Variants in ZC2HC1A observed in about 807,000 individuals in gnomAD.
ZC2HC1A encodes the protein zinc finger C2HC-type containing 1A.
A neutral mutation model predicts 40.7 loss-of-function variants in ZC2HC1A; 28 were observed. That is an observed-to-expected ratio of 0.69 (90% CI 0.51 to 0.94). ZC2HC1A has a LOEUF of 0.94. ZC2HC1A is among the 40% of genes least tolerant of loss of function. ZC2HC1A has a pLI of 0.00. For missense variants in ZC2HC1A, 389 were observed against 386.3 expected, an observed-to-expected ratio of 1.01 and a Z score of -0.06; for synonymous variants, 129 against 129.2, an observed-to-expected ratio of 1.00 and a Z score of 0.01.
chr8:78,707,855 CTT>C (rs34584205), intron 7 of ZC2HC1A, among the ~76,000 whole-genome samples: 179 of 143,290 alleles, frequency 1.2e-3, no homozygotes, highest in South Asian at 1.6e-3. Flanking sequence ...CTTTTTTTTT[CTT>C]TTTTTTTTTT....
In ZC2HC1A at chr8:78,675,977, G is replaced by A. The variant is rs113182613; in HGVS notation, c.93+114G>A. The A allele has an allele frequency of 4.0e-3, 3,170 of 797,702 alleles. 65 individuals carry two copies. The African/African-American group carries it at 0.05, about 13-fold the overall frequency. The allele number at this position is 797,702 out of a possible 1,614,324, so 49.4% of individuals were successfully genotyped here. A position where few individuals can be genotyped will look rare whatever the true frequency, so the allele number is the denominator to read the frequency against. ...GGAATAGTTTTTGAAGAGTTAATGG[G>A]TACTATTCTTTGTTCAAGGGTCTTG... On this transcript the variant is annotated intron_variant, in intron 2 of 8. Coordinates refer to ENST00000263849, the MANE Select transcript of ZC2HC1A (RefSeq NM_016010.3).
chr8:78,691,979 A>G (rs1054855478), intron 5 of ZC2HC1A, among the ~76,000 whole-genome samples: 3 of 152,190 alleles, frequency 2.0e-5, no homozygotes, highest in African/African-American at 7.2e-5. Context: ...ACAATGTGCA[A>G]TGACTAAATC....
chr8:78,697,443 G>C lies in ZC2HC1A; in HGVS notation c.541G>C (p.Gly181Arg). ...PPALKKSNSP[G>R]TASSGSSRLP... ...CGCACTTAAAAAGTCAAATTCTCCT[G>C]GAACTGCATCATCAGGATCTTCACG... The change falls in exon 6 of 9, where the codon GGA becomes CGA. Residue 181 changes from glycine (G) to arginine (R), a missense_variant. Physicochemically the swap from Gly to Arg is moderately radical, Grantham distance 125. Transcript: ENST00000263849. 6.8e-6 allele frequency: 11 copies of C among 1,608,426 alleles called. No homozygotes were observed. The highest frequency in any genetic ancestry group is 2.2e-5 in the East Asian group (1 of 44,682).
At chr8:78,670,070 C>T (rs1438140392) in intron 1 of ZC2HC1A, among the ~76,000 whole-genome samples, 2 of 150,276 alleles carry the variant, frequency 1.3e-5, no homozygotes, top group Admixed American at 6.7e-5. Flanking sequence ...TGGGTTCAAG[C>T]GATTCTCCTC....
intron 7 of ZC2HC1A, chr8:78,712,127 T>G: frequency 8.0e-7 from 1 of 1,247,914 alleles, no homozygotes. Flanking sequence ...GTAACTCAGT[T>G]TGGTTAATAT....
chr8:78,715,121 T>G (rs1326837343), intron 7 of ZC2HC1A, 100 bp from the exon 8 acceptor site: 2 of 1,024,696 alleles, frequency 2.0e-6, no homozygotes, highest in East Asian at 5.2e-5. Context: ...TGAACTTCTC[T>G]GAAGCTTCTA....
intron 1 of ZC2HC1A, among the ~76,000 whole-genome samples, chr8:78,666,681 T>C (rs1340750425): frequency 1.3e-5 from 2 of 152,192 alleles, no homozygotes; most frequent in African/African-American, 2.4e-5. Context: ...CGGAGGGATG[T>C]CAGAGCATCT....
At chr8:78,716,484 A>T (rs1283748579) in intron 8 of ZC2HC1A, among the ~76,000 whole-genome samples, 1 of 152,130 alleles carries the variant, frequency 6.6e-6, no homozygotes, top group Non-Finnish European at 1.5e-5. Flanking sequence ...AGAGTTTGTT[A>T]TTTATTGCAT....
At chr8:78,682,435 C>T (rs577790210) in intron 3 of ZC2HC1A, among the ~76,000 whole-genome samples, 32 of 152,230 alleles carry the variant, frequency 2.1e-4, no homozygotes, top group African/African-American at 7.2e-4. Flanking sequence ...GAAGAAGGAA[C>T]AAAGTCACAT....
chr8:78,697,861 A>G (rs1563632659), intron 6 of ZC2HC1A, among the ~76,000 whole-genome samples: 1 of 151,822 alleles, frequency 6.6e-6, no homozygotes, highest in Non-Finnish European at 1.5e-5. Flanking sequence ...TGTATTTTTA[A>G]TAGAGATGGG....
Position 78,708,683 on chromosome 8 carries a change from CTTTTTTTTTTTTTT to C in ZC2HC1A, c.705-6537_705-6524del, listed in dbSNP as rs199960134. ...TAAAAGATGATTATCTTTTTTTTTT[CTTTTTTTTTTTTTT>C]GAGATGGAGTTTTGCTCTTGTTGCC... On this transcript the variant is annotated intron_variant, in intron 7 of 8. Transcript: ENST00000263849. Among the ~76,000 whole-genome samples the C allele has an allele frequency of 1.8e-3, 212 of 121,040 alleles. 6 individuals are homozygous for C. The South Asian group carries it at 0.039, about 23-fold the overall frequency. 79.4% of individuals were successfully genotyped at this position (121,040 alleles called of 152,430 possible).
At chr8:78,682,348 T>C (rs1000192960) in intron 3 of ZC2HC1A, among the ~76,000 whole-genome samples, 1 of 147,232 alleles carries the variant, frequency 6.8e-6, no homozygotes, top group African/African-American at 2.7e-5. Flanking sequence ...GGAGACTGGG[T>C]AATTTATAAA....
Position 78,689,327 on chromosome 8 carries a change from A to C in ZC2HC1A, c.458A>C (p.Lys153Thr). The C allele has an allele frequency of 1.2e-6, 2 of 1,603,576 alleles. No individual in the cohort carries two copies. The highest frequency in any genetic ancestry group is 2.3e-5 in the East Asian group (1 of 44,228). ...EQAARISNKG[K>T]FSTDTKGKPT... is the part of the protein sequence containing the mutation. ...GCAGCACGTATTAGTAATAAAGGGA[A>C]ATTTTCTACAGATACCAAAGGAAAA... Residue 153 changes from lysine to threonine, a missense_variant, in exon 5 of 9, where the codon AAA becomes ACA. By Grantham distance (78) the Lys-to-Thr change is moderately conservative. Transcript: ENST00000263849.
chr8:78,711,884 T>A (rs749964896), intron 7 of ZC2HC1A: 1 of 567,124 alleles, frequency 1.8e-6, no homozygotes, highest in Non-Finnish European at 2.8e-6. Context: ...AATTAAGGAC[T>A]TGGGGAGTAG....
chr8:78,711,263 T>C (rs1318309742), intron 7 of ZC2HC1A, among the ~76,000 whole-genome samples: 3 of 152,156 alleles, frequency 2.0e-5, no homozygotes, highest in Admixed American at 2.0e-4. Context: ...TGATAGTTTA[T>C]ATGATTCAGT....
At chr8:78,667,432 G>A (rs2130399875) in intron 1 of ZC2HC1A, among the ~76,000 whole-genome samples, 1 of 151,900 alleles carries the variant, frequency 6.6e-6, no homozygotes, top group East Asian at 1.9e-4. Context: ...ATCTTGGTGG[G>A]ATTAAAGCAT....
intron 7 of ZC2HC1A, among the ~76,000 whole-genome samples, chr8:78,711,331 C>T (rs1484893539): frequency 1.3e-5 from 2 of 152,064 alleles, no homozygotes; most frequent in East Asian, 3.9e-4. Context: ...GTTTGTCCTG[C>T]TATCCTCTAG....
chr8:78,696,183 C>T (rs1448908694), intron 5 of ZC2HC1A, among the ~76,000 whole-genome samples: 3 of 151,848 alleles, frequency 2.0e-5, no homozygotes, highest in African/African-American at 4.8e-5. Context: ...TACAGGCGCC[C>T]GCTACCACGC....
rs961961616 is a variant in ZC2HC1A at position 78,674,017 on chromosome 8, G to T, written c.17-1770G>T. On this transcript the variant is annotated intron_variant, in intron 1 of 8. Coordinates refer to ENST00000263849, the MANE Select transcript of ZC2HC1A (RefSeq NM_016010.3). ...TTGTGGAAATTAATGTCAAGAACTGGATATTATTATATGGTAATATTTGGT... is the reference window on the plus strand; with the variant it reads ...TTGTGGAAATTAATGTCAAGAACTGTATATTATTATATGGTAATATTTGGT... Among the ~76,000 whole-genome samples the T allele has an allele frequency of 4.6e-5, 7 of 152,108 alleles. No individual in the cohort carries two copies. In the East Asian group the frequency reaches 7.7e-4, roughly 17 times the overall value.
Sources: gnomAD v4.1 joint callset for allele counts (sites outside exome capture counted in the v4.1 genomes callset) on GRCh38, gnomAD v4.1.1 for gene constraint, MANE v1.5 for transcripts, NCBI Gene and HGNC (gene_info 2026-07-23, HGNC 2026-07-21) for gene names.